The following RIT2 variants were observed in gnomAD, a reference collection of about 807,000 sequenced individuals.
RIT2 encodes the protein Ras like without CAAX 2.
A neutral mutation model predicts 23.7 loss-of-function variants in RIT2; 24 were observed. The observed-to-expected ratio is 1.01, with a 90% CI of 0.73 to 1.43. The LOEUF (loss-of-function observed/expected upper bound fraction) is 1.43. Among genes scored for constraint, RIT2 ranks in the 40% most tolerant of loss-of-function variants. The pLI, the probability that RIT2 is intolerant of heterozygous loss-of-function variation, is 0.00. For missense variants in RIT2, 236 were observed against 266.9 expected, an observed-to-expected ratio of 0.88 and a Z score of 0.81; for synonymous variants, 107 against 91.1, an observed-to-expected ratio of 1.17 and a Z score of -0.99.
intron 4 of RIT2, among the ~76,000 whole-genome samples, chr18:42,751,704 A>T (rs1913050352): frequency 6.6e-6 from 1 of 152,026 alleles, no homozygotes. Flanking sequence ...GTTTCACATG[A>T]TCTTAGATTT....
chr18:42,980,089 A>C (rs1264086537), intron 2 of RIT2, among the ~76,000 whole-genome samples: 1 of 152,106 alleles, frequency 6.6e-6, no homozygotes. Context: ...CTAAACATTC[A>C]GTGAAATGTC....
At chr18:43,046,555 TAG>T (rs1246081604) in intron 1 of RIT2, among the ~76,000 whole-genome samples, 3 of 152,284 alleles carry the variant, frequency 2.0e-5, no homozygotes, top group African/African-American at 7.2e-5. Flanking sequence ...CTTGGCTCCC[TAG>T]AGACTGCGAA....
At chr18:42,820,266 T>C (rs868626376) in intron 4 of RIT2, among the ~76,000 whole-genome samples, 1 of 151,956 alleles carries the variant, frequency 6.6e-6, no homozygotes, top group Non-Finnish European at 1.5e-5. Flanking sequence ...ATTTAAAGCA[T>C]CAGAAACTAT....
intron 1 of RIT2, among the ~76,000 whole-genome samples, chr18:43,056,174 G>A (rs1309496989): frequency 6.6e-6 from 1 of 152,012 alleles, no homozygotes; most frequent in Non-Finnish European, 1.5e-5. Flanking sequence ...ACATGCAGAA[G>A]CCTAACCTTA....
intron 1 of RIT2, among the ~76,000 whole-genome samples, chr18:43,090,373 A>G (rs931590341): frequency 6.6e-6 from 1 of 152,106 alleles, no homozygotes; most frequent in Non-Finnish European, 1.5e-5. Flanking sequence ...AAAAAATACC[A>G]GAGGCTGTTG....
chr18:42,743,585 G>C lies in RIT2; in HGVS notation c.562C>G (p.Pro188Ala), dbSNP rs1164384600. ...TTCAGTTTCTTTTCCATCAAGGATG[G>C]CATGGACTCCTTCTTGCGAATTTCC... is the stretch of plus-strand genomic sequence containing the variant. The part of the protein sequence containing the change: ...VREIRKKESM[P>A]SLMEKKLKRK... Residue 188 changes from proline (P) to alanine (A), a missense_variant, in exon 5 of 5, where the codon CCA becomes GCA. By Grantham distance (27) the Pro-to-Ala change is conservative. Coordinates refer to ENST00000326695, the MANE Select transcript of RIT2 (RefSeq NM_002930.4). 1 of 1,613,778 alleles carries C rather than the reference G, an allele frequency of 6.2e-7. No individual in the cohort carries two copies. The highest frequency in any genetic ancestry group is 8.5e-7 in the Non-Finnish European group (1 of 1,179,938).
At chr18:42,892,591 A>G (rs1330881051) in intron 4 of RIT2, among the ~76,000 whole-genome samples, 3 of 152,204 alleles carry the variant, frequency 2.0e-5, no homozygotes, top group Admixed American at 2.0e-4. Flanking sequence ...AATCTATGCA[A>G]AGCACAATGC....
chr18:43,092,000 T>A (rs1252209333), intron 1 of RIT2, among the ~76,000 whole-genome samples: 1 of 152,158 alleles, frequency 6.6e-6, no homozygotes, highest in African/African-American at 2.4e-5. Context: ...TCATTCCATA[T>A]ATATTATTTT....
At chr18:43,085,850 C>T (rs561235140) in intron 1 of RIT2, among the ~76,000 whole-genome samples, 15 of 152,206 alleles carry the variant, frequency 9.9e-5, no homozygotes, top group Admixed American at 8.5e-4. Context: ...CCATACTGTT[C>T]TCATGGTAGT....
intron 3 of RIT2, among the ~76,000 whole-genome samples, chr18:42,946,252 G>C (rs1909724430): frequency 6.6e-6 from 1 of 152,076 alleles, no homozygotes; most frequent in African/African-American, 2.4e-5. Context: ...CACACAGCTT[G>C]CTGAACCTCA....
chr18:42,830,905 A>G (rs1906439709), intron 4 of RIT2, among the ~76,000 whole-genome samples: 1 of 152,174 alleles, frequency 6.6e-6, no homozygotes, highest in African/African-American at 2.4e-5. Context: ...CACCAATTTT[A>G]CTTTTGTCCC....
At chr18:42,768,067 C>A (rs1308569747) in intron 4 of RIT2, among the ~76,000 whole-genome samples, 1 of 151,290 alleles carries the variant, frequency 6.6e-6, no homozygotes, top group African/African-American at 2.4e-5. Context: ...GTAATATATG[C>A]ATATTATAGT....
At chr18:42,867,177 A>C (rs1006351642) in intron 4 of RIT2, among the ~76,000 whole-genome samples, 21 of 152,196 alleles carry the variant, frequency 1.4e-4, no homozygotes, top group African/African-American at 5.1e-4. Flanking sequence ...TGAGAACATT[A>C]ATTAAATGTG....
At chr18:42,760,505 T>C (rs1913274911) in intron 4 of RIT2, among the ~76,000 whole-genome samples, 1 of 152,134 alleles carries the variant, frequency 6.6e-6, no homozygotes, top group Non-Finnish European at 1.5e-5. Flanking sequence ...TGCTTTATCC[T>C]CCACAGAAGC....
At chr18:42,785,363 T>G (rs1356560758) in intron 4 of RIT2, among the ~76,000 whole-genome samples, 1 of 152,142 alleles carries the variant, frequency 6.6e-6, no homozygotes, top group Non-Finnish European at 1.5e-5. Flanking sequence ...GACTTTAAAG[T>G]TCTGTTTATA....
At chr18:42,762,663 A>G (rs1295464602) in intron 4 of RIT2, among the ~76,000 whole-genome samples, 1 of 152,194 alleles carries the variant, frequency 6.6e-6, no homozygotes, top group East Asian at 1.9e-4. Context: ...TTTTAGTTGA[A>G]CAACTGCACT....
intron 4 of RIT2, among the ~76,000 whole-genome samples, chr18:42,845,423 T>G (rs1906881354): frequency 6.6e-6 from 1 of 150,554 alleles, no homozygotes; most frequent in Non-Finnish European, 1.5e-5. Context: ...TATATATTTA[T>G]GTACTATATA....
At chr18:42,992,250 T>A (rs1485482624) in intron 2 of RIT2, among the ~76,000 whole-genome samples, 2 of 152,122 alleles carry the variant, frequency 1.3e-5, no homozygotes, top group Admixed American at 6.6e-5. Context: ...TTCTACAATG[T>A]CACTTGACCC....
At chr18:43,034,575 A>ACT (rs1911932842) in intron 1 of RIT2, among the ~76,000 whole-genome samples, 1 of 152,186 alleles carries the variant, frequency 6.6e-6, no homozygotes, top group Non-Finnish European at 1.5e-5. Context: ...TTATATAAAA[A>ACT]TAGTGTATAA....
Sources: gnomAD v4.1 joint callset for allele counts (sites outside exome capture counted in the v4.1 genomes callset) on GRCh38, gnomAD v4.1.1 for gene constraint, MANE v1.5 for transcripts, NCBI Gene and HGNC (gene_info 2026-07-23, HGNC 2026-07-21) for gene names.